SMARCA2: variants seen among roughly 807,000 people sequenced by gnomAD.
SMARCA2 encodes the protein SWI/SNF related BAF chromatin remodeling complex subunit ATPase 2.
A neutral mutation model predicts 199.8 loss-of-function variants in SMARCA2; 61 were observed. That is an observed-to-expected ratio of 0.31 (90% CI 0.25 to 0.38). The LOEUF is 0.38. Ranked by LOEUF, SMARCA2 falls within the 10% of genes least tolerant of loss-of-function variation. The pLI is 1.00. For missense variants in SMARCA2, 1,344 were observed against 2,012.2 expected (o/e 0.67, Z 6.35); for synonymous variants, 935 against 732.0 (o/e 1.28, Z -4.48).
At position 2,170,009 on chromosome 9, in the gene SMARCA2, A is replaced by G. The variant is rs1826159848; in HGVS notation, c.4200-410A>G. On this transcript the variant is annotated intron_variant, in intron 28 of 33. Transcript: ENST00000349721. The surrounding 1 kb of genome is among the most constrained non-coding windows in gnomAD (Gnocchi z 4.7). The stretch of plus-strand genomic sequence containing the variant: ...CACTTTATCCTATTTAATTTTTATA[A>G]CTTTCTGAGGTAAGTATTTCCCCCA... 6.6e-6 allele frequency among the ~76,000 whole-genome samples: 1 copy of G among 152,076 alleles called. No homozygotes were observed. The highest frequency in any genetic ancestry group is 2.4e-5 in the African/African-American group (1 of 41,384).
At chr9:2,026,025 A>G (rs1006825354) in intron 1 of SMARCA2, among the ~76,000 whole-genome samples, 7 of 152,184 alleles carry the variant, frequency 4.6e-5, no homozygotes, top group African/African-American at 1.7e-4. Flanking sequence ...GACAGCTGGA[A>G]GGGACCTTTG....
intron 4 of SMARCA2, chr9:2,042,580 G>A (rs573803087): frequency 1.3e-5 from 2 of 151,816 alleles, no homozygotes; most frequent in Admixed American, 6.6e-5. Flanking sequence ...CTGGATACCT[G>A]TACACAATAA....
rs1371172842 is a variant in SMARCA2, at chr9:2,119,193, A to G, written c.3685-265A>G. Among the ~76,000 whole-genome samples, 1 of 152,220 alleles carries G rather than the reference A, an allele frequency of 6.6e-6. No homozygotes were observed. The highest frequency in any genetic ancestry group is 6.5e-5 in the Admixed American group (1 of 15,282). On this transcript the variant is annotated intron_variant, in intron 25 of 33. Coordinates refer to ENST00000349721, the MANE Select transcript of SMARCA2 (RefSeq NM_003070.5). The surrounding 1 kb of genome is among the most constrained non-coding windows in gnomAD (Gnocchi z 4.6). ...AGGAGACATTAAGTAACTTGTTGTA[A>G]AAGTAACAGAATCAAGATACACATC...
intron 28 of SMARCA2, among the ~76,000 whole-genome samples, chr9:2,166,292 A>G (rs1416884291): frequency 6.6e-6 from 1 of 152,132 alleles, no homozygotes; most frequent in Non-Finnish European, 1.5e-5. Flanking sequence ...CATTAATTAC[A>G]GGGTGGTTAG....
At chr9:2,073,490 T>A in intron 11 of SMARCA2, 76 bp from the exon 12 acceptor site, 1 of 1,452,480 alleles carries the variant, frequency 6.9e-7, no homozygotes, top group Non-Finnish European at 9.6e-7. Flanking sequence ...GAATGTGCTA[T>A]TAAGTCATGT....
chr9:2,036,837 A>G (rs1819356363), intron 3 of SMARCA2, among the ~76,000 whole-genome samples: 1 of 152,168 alleles, frequency 6.6e-6, no homozygotes, highest in South Asian at 2.1e-4. Context: ...TCTCACCTTC[A>G]TAATGTTGCC....
chr9:2,090,084 T>A (rs1323892253), intron 19 of SMARCA2, among the ~76,000 whole-genome samples: 1 of 152,166 alleles, frequency 6.6e-6, no homozygotes, highest in Non-Finnish European at 1.5e-5. Flanking sequence ...AGAGAAAAAT[T>A]GAAATTTTTG....
intron 31 of SMARCA2, 86 bp from the exon 32 acceptor site, chr9:2,186,010 A>C: frequency 2.3e-6 from 3 of 1,286,998 alleles, no homozygotes; most frequent in Non-Finnish European, 3.3e-6. Flanking sequence ...ATTCATGTGA[A>C]TTAAGCTGGT....
At chr9:2,114,500 C>T (rs1462437559) in intron 24 of SMARCA2, among the ~76,000 whole-genome samples, 1 of 152,118 alleles carries the variant, frequency 6.6e-6, no homozygotes, top group Non-Finnish European at 1.5e-5. Context: ...ATTATGGTGC[C>T]AGGGATGTGG....
At chr9:2,180,191 T>G (rs1826921212) in intron 29 of SMARCA2, among the ~76,000 whole-genome samples, 1 of 152,092 alleles carries the variant, frequency 6.6e-6, no homozygotes, top group African/African-American at 2.4e-5. Flanking sequence ...TTAAACCTCT[T>G]GCGTTCACCC....
intron 8 of SMARCA2, among the ~76,000 whole-genome samples, chr9:2,060,507 T>A (rs918695281): frequency 1.3e-5 from 2 of 152,252 alleles, no homozygotes; most frequent in East Asian, 3.8e-4. Flanking sequence ...AATTCTAAAA[T>A]CTTTTTGTAC....
intron 29 of SMARCA2, among the ~76,000 whole-genome samples, chr9:2,176,545 A>G (rs1826617418): frequency 6.6e-6 from 1 of 151,916 alleles, no homozygotes; most frequent in South Asian, 2.1e-4. Context: ...TATGACTATT[A>G]GGGTGATTTT....
chr9:2,101,553 ATCTC>A lies in SMARCA2; in HGVS notation c.3079-11_3079-8del. ...TACATTTTTTAAAATCATTCTTTCT[ATCTC>A]TCTCTTTTAAAGGAATCCTTTGCTG... is the stretch of plus-strand genomic sequence containing the variant. On this transcript the variant is annotated splice_polypyrimidine_tract_variant and intron_variant, in intron 21 of 33. Coordinates refer to ENST00000349721, the MANE Select transcript of SMARCA2 (RefSeq NM_003070.5). 1 of 1,394,398 alleles carries A rather than the reference ATCTC, an allele frequency of 7.2e-7. No homozygotes were observed. Among genetic ancestry groups the A allele is most frequent in the Non-Finnish European group, 1.0e-6 (1 of 1,004,938 alleles). The allele number at this position is 1,394,398 out of a possible 1,614,324, so 86.4% of individuals were successfully genotyped here. A position where few individuals can be genotyped will look rare whatever the true frequency, so the allele number is the denominator to read the frequency against.
Position 2,039,833 on chromosome 9 carries a change from G to C in SMARCA2, c.723G>C (p.Gln241His), listed in dbSNP as rs746603045. The change falls in exon 4 of 34, where the codon CAG becomes CAC. Residue 241 changes from glutamine (Q) to histidine (H), a missense_variant. By Grantham distance (24) the Gln-to-His change is conservative. Transcript: ENST00000349721. The surrounding 1 kb of genome is among the most constrained non-coding windows in gnomAD (Gnocchi z 4.8). ...QQQQQQQQPQ[Q>H]QPPQPQTQQQ... is the part of the protein sequence containing the mutation. ...AGCAGCAGCAACAGCAGCCGCAGCA[G>C]CAGCCGCCGCAACCACAGACGCAGC... is the stretch of plus-strand genomic sequence containing the variant. 5 of 1,611,306 alleles carry C rather than the reference G, an allele frequency of 3.1e-6. No individual in the cohort carries two copies. Among genetic ancestry groups the C allele is most frequent in the Non-Finnish European group, 4.2e-6 (5 of 1,178,920 alleles).
intron 27 of SMARCA2, among the ~76,000 whole-genome samples, chr9:2,137,041 C>G (rs1216247845): frequency 6.6e-6 from 1 of 152,182 alleles, no homozygotes; most frequent in Non-Finnish European, 1.5e-5. Flanking sequence ...CTAGGAGACT[C>G]AAGCCTTCTT....
At chr9:2,022,631 G>A (rs1005978355) in intron 1 of SMARCA2, among the ~76,000 whole-genome samples, 1 of 152,114 alleles carries the variant, frequency 6.6e-6, no homozygotes, top group Non-Finnish European at 1.5e-5. Context: ...TTAACCACAG[G>A]TTTTTAAAGT....
chr9:2,150,347 G>C (rs1824999050), intron 27 of SMARCA2, among the ~76,000 whole-genome samples: 1 of 151,610 alleles, frequency 6.6e-6, no homozygotes, highest in South Asian at 2.1e-4. Flanking sequence ...CACTCTGGCT[G>C]TGCTTGTGCA....
At chr9:2,163,906 G>A (rs1260611167) in intron 28 of SMARCA2, among the ~76,000 whole-genome samples, 1 of 151,904 alleles carries the variant, frequency 6.6e-6, no homozygotes, top group African/African-American at 2.4e-5. Context: ...TTTTTGAGGG[G>A]TGGGGGTCAG....
At chr9:2,064,988 T>G (rs902640000) in intron 9 of SMARCA2, among the ~76,000 whole-genome samples, 7 of 152,094 alleles carry the variant, frequency 4.6e-5, no homozygotes, top group East Asian at 1.9e-4. Flanking sequence ...ATCGAGACCA[T>G]CCTGGCTAAC....
Sources: gnomAD v4.1 joint callset for allele counts (sites outside exome capture counted in the v4.1 genomes callset) on GRCh38, gnomAD v4.1.1 for gene constraint, Gnocchi (gnomAD v3.1) non-coding constraint, MANE v1.5 for transcripts, NCBI Gene and HGNC (gene_info 2026-07-23, HGNC 2026-07-21) for gene names.